The following PRKN variants were observed in gnomAD, a reference collection of about 807,000 sequenced individuals.
The protein encoded by PRKN is parkin RBR E3 ubiquitin protein ligase, also known as E3 ubiquitin-protein ligase parkin.
Under a neutral mutation model 59.5 loss-of-function variants are expected in PRKN, and 56 were observed. The ratio of observed to expected loss-of-function variants is 0.94; its 90% CI spans 0.76 to 1.18. The LOEUF (loss-of-function observed/expected upper bound fraction) is 1.18. PRKN is among the 50% of genes most tolerant of loss of function. The pLI, the probability that PRKN is intolerant of heterozygous loss-of-function variation, is 0.00. For synonymous variants in PRKN, 250 were observed against 222.1 expected (o/e 1.13, Z -1.12); for missense variants, 657 against 596.4 (o/e 1.10, Z -1.06).
chr6:161,610,951 T>G (rs1480901119), intron 7 of PRKN, among the ~76,000 whole-genome samples: 1 of 152,164 alleles, frequency 6.6e-6, no homozygotes, highest in Non-Finnish European at 1.5e-5. Flanking sequence ...TTTATTCTAA[T>G]TATAAAGGGC....
chr6:161,891,911 T>C (rs959380378), intron 6 of PRKN, among the ~76,000 whole-genome samples: 1 of 152,198 alleles, frequency 6.6e-6, no homozygotes, highest in Non-Finnish European at 1.5e-5. Flanking sequence ...AGTGATGCCC[T>C]TGTTTAGTCC....
intron 2 of PRKN, among the ~76,000 whole-genome samples, chr6:162,392,110 C>G (rs1195968619): frequency 6.6e-6 from 1 of 151,834 alleles, no homozygotes; most frequent in Non-Finnish European, 1.5e-5. Flanking sequence ...CATTGCTAAT[C>G]CAGTAGAAGA....
chr6:162,465,342 T>G (rs1470467107), intron 1 of PRKN, among the ~76,000 whole-genome samples: 1 of 152,192 alleles, frequency 6.6e-6, no homozygotes, highest in Non-Finnish European at 1.5e-5. Context: ...CCTCAGTTTG[T>G]GGCCACCTAC....
At chr6:162,088,792 G>T (rs1386046125) in intron 4 of PRKN, among the ~76,000 whole-genome samples, 1 of 152,098 alleles carries the variant, frequency 6.6e-6, no homozygotes, top group African/African-American at 2.4e-5. Flanking sequence ...CCAAATATTT[G>T]ATTCGTTTTC....
intron 4 of PRKN, among the ~76,000 whole-genome samples, chr6:162,167,746 GA>G (rs144903515): frequency 0.024 from 3,661 of 151,818 alleles, 157 homozygotes; most frequent in African/African-American, 0.084. Flanking sequence ...CAAATTTGGG[GA>G]AAAAAAGTCA....
chr6:161,650,701 A>T (rs1287914390), intron 7 of PRKN, among the ~76,000 whole-genome samples: 1 of 152,216 alleles, frequency 6.6e-6, no homozygotes, highest in African/African-American at 2.4e-5. Context: ...TCTCATATCT[A>T]GGAGACCTAG....
intron 1 of PRKN, among the ~76,000 whole-genome samples, chr6:162,560,677 C>T (rs965436430): frequency 2.6e-5 from 4 of 151,938 alleles, no homozygotes; most frequent in African/African-American, 4.8e-5. Flanking sequence ...ATTGATATTT[C>T]TCTGAAGTAT....
chr6:162,555,322 C>A (rs546026234), intron 1 of PRKN, among the ~76,000 whole-genome samples: 1 of 151,966 alleles, frequency 6.6e-6, no homozygotes, highest in African/African-American at 2.4e-5. Context: ...ATTCTTTGAA[C>A]CAAGATTTTA....
At chr6:161,670,612 G>A (rs540661493) in intron 7 of PRKN, among the ~76,000 whole-genome samples, 3 of 152,216 alleles carry the variant, frequency 2.0e-5, no homozygotes, top group South Asian at 4.1e-4. Context: ...TCAGGAGATC[G>A]AGACCATCCT....
At chr6:161,723,659 G>A (rs1001810758) in intron 7 of PRKN, among the ~76,000 whole-genome samples, 17 of 152,170 alleles carry the variant, frequency 1.1e-4, no homozygotes, top group African/African-American at 4.1e-4. Flanking sequence ...GCACAAAAAT[G>A]AGTCTATCAC....
chr6:161,706,469 T>C (rs1202573475), intron 7 of PRKN, among the ~76,000 whole-genome samples: 1 of 152,344 alleles, frequency 6.6e-6, no homozygotes. Context: ...CATTTGCTTC[T>C]TGACAGCAGC....
intron 7 of PRKN, among the ~76,000 whole-genome samples, chr6:161,729,968 T>C (rs1373649805): frequency 1.3e-5 from 2 of 152,242 alleles, no homozygotes; most frequent in South Asian, 4.1e-4. Flanking sequence ...TTCTGATGTG[T>C]TGCATTCTTG....
chr6:162,127,297 C>T (rs2128307158), intron 4 of PRKN, among the ~76,000 whole-genome samples: 1 of 152,302 alleles, frequency 6.6e-6, no homozygotes, highest in African/African-American at 2.4e-5. Flanking sequence ...GCCTGTTACT[C>T]AAAAGGTGCT....
chr6:162,354,672 ACAGATATATATATTTT>A (rs1430740046), intron 2 of PRKN, among the ~76,000 whole-genome samples: 1 of 152,022 alleles, frequency 6.6e-6, no homozygotes, highest in East Asian at 1.9e-4. Context: ...ACATAATTTA[ACAGATATATATATTTT>A]CAGTTCCTTC....
At chr6:162,085,764 A>C (rs1779221448) in intron 4 of PRKN, among the ~76,000 whole-genome samples, 1 of 152,116 alleles carries the variant, frequency 6.6e-6, no homozygotes, top group Non-Finnish European at 1.5e-5. Flanking sequence ...GGCAGGTTAC[A>C]TTCCCATCTT....
chr6:161,910,102 G>A (rs1487530801), intron 6 of PRKN, among the ~76,000 whole-genome samples: 1 of 152,130 alleles, frequency 6.6e-6, no homozygotes, highest in Non-Finnish European at 1.5e-5. Flanking sequence ...TAGAAGTGGG[G>A]CCTGAAGATG....
chr6:162,469,312 G>A (rs1398320638), intron 1 of PRKN, among the ~76,000 whole-genome samples: 1 of 123,582 alleles, frequency 8.1e-6, no homozygotes, highest in Non-Finnish European at 1.6e-5. Flanking sequence ...TGACACTAAT[G>A]AAGAATTTGT....
intron 3 of PRKN, among the ~76,000 whole-genome samples, chr6:162,260,246 G>T (rs907217055): frequency 1.3e-5 from 2 of 152,096 alleles, no homozygotes; most frequent in East Asian, 3.9e-4. Flanking sequence ...GGGTAAATGA[G>T]AAACAGGGTG....
At chr6:161,516,178 T>C (rs893816241) in intron 9 of PRKN, among the ~76,000 whole-genome samples, 29 of 152,172 alleles carry the variant, frequency 1.9e-4, no homozygotes, top group Non-Finnish European at 3.4e-4. Context: ...CCAGGCGCAG[T>C]GGCTCACGCC....
Sources: gnomAD v4.1 joint callset for allele counts (sites outside exome capture counted in the v4.1 genomes callset) on GRCh38, gnomAD v4.1.1 for gene constraint, MANE v1.5 for transcripts, NCBI Gene and HGNC (gene_info 2026-07-23, HGNC 2026-07-21) for gene names.